ABL1: variants seen among roughly 807,000 people sequenced by gnomAD.
ABL1 encodes tyrosine-protein kinase ABL1.
Under a neutral mutation model 94.7 loss-of-function variants are expected in ABL1, and 11 were observed. That is an observed-to-expected ratio of 0.12 (90% CI 0.07 to 0.19). The LOEUF is 0.19. Among genes scored for constraint, ABL1 ranks in the 10% least tolerant of loss-of-function variants. The pLI is 1.00. For synonymous variants in ABL1, 656 were observed against 622.4 expected, an observed-to-expected ratio of 1.05 and a Z score of -0.80; for missense variants, 1,082 against 1,489.4, an observed-to-expected ratio of 0.73 and a Z score of 4.50.
At chr9:130,757,063 A>G (rs2132740058) in intron 1 of ABL1, among the ~76,000 whole-genome samples, 1 of 152,300 alleles carries the variant, frequency 6.6e-6, no homozygotes, top group Middle Eastern at 3.4e-3. Context: ...GTCTGTGAGA[A>G]GGCAGTTTGG....
chr9:130,794,255 G>A (rs562970134), intron 1 of ABL1, among the ~76,000 whole-genome samples: 2 of 152,146 alleles, frequency 1.3e-5, no homozygotes, highest in East Asian at 1.9e-4. Flanking sequence ...TGAATTAAAC[G>A]TTGCAAACTG....
chr9:130,804,104 C>T (rs1043319270), intron 1 of ABL1, among the ~76,000 whole-genome samples: 10 of 152,020 alleles, frequency 6.6e-5, no homozygotes, highest in African/African-American at 2.4e-4. Context: ...CGCCTGTAAT[C>T]TCAGCACTTT....
chr9:130,878,068 C>T (rs1394990533), intron 7 of ABL1, among the ~76,000 whole-genome samples: 1 of 152,172 alleles, frequency 6.6e-6, no homozygotes, highest in Non-Finnish European at 1.5e-5. Context: ...CCGCCTCGGC[C>T]TCCCAAAGTG....
intron 1 of ABL1, among the ~76,000 whole-genome samples, chr9:130,743,585 C>T (rs1831846961): frequency 6.6e-6 from 1 of 152,178 alleles, no homozygotes; most frequent in Non-Finnish European, 1.5e-5. Context: ...CACAGCAAGA[C>T]ACATGAAATA....
intron 1 of ABL1, among the ~76,000 whole-genome samples, chr9:130,761,742 T>C: frequency 6.6e-6 from 1 of 152,332 alleles, no homozygotes; most frequent in East Asian, 1.9e-4. Flanking sequence ...CAAATTTTGT[T>C]TTTTAGTATA....
chr9:130,817,391 C>T (rs1415171344), intron 1 of ABL1, among the ~76,000 whole-genome samples: 1 of 152,198 alleles, frequency 6.6e-6, no homozygotes, highest in African/African-American at 2.4e-5. Context: ...ATGGCCTGTT[C>T]CTCTTCCTTA....
intron 1 of ABL1, among the ~76,000 whole-genome samples, chr9:130,852,224 C>CT (rs1345752948): frequency 6.6e-6 from 1 of 152,186 alleles, no homozygotes; most frequent in African/African-American, 2.4e-5. Flanking sequence ...GAGTCTCACT[C>CT]TGTCTGCCAG....
Position 130,862,312 on chromosome 9 carries a change from C to G in ABL1, c.550-451C>G, listed in dbSNP as rs1225042153. On this transcript the variant is annotated intron_variant, in intron 3 of 10. Coordinates refer to ENST00000318560, the MANE Select transcript of ABL1 (RefSeq NM_005157.6). The surrounding 1 kb of genome is among the most constrained non-coding windows in gnomAD (Gnocchi z 5.5). ...AAGCTTGCATGCTCTTAGGTGGAGACAGACAGTAATTAAGCAGATAAACAG... is the reference window on the plus strand; with the variant it reads ...AAGCTTGCATGCTCTTAGGTGGAGAGAGACAGTAATTAAGCAGATAAACAG... Among the ~76,000 whole-genome samples the G allele has an allele frequency of 1.3e-5, 2 of 152,152 alleles. No homozygotes were observed. The highest frequency in any genetic ancestry group is 1.5e-5 in the Non-Finnish European group (1 of 68,028).
intron 1 of ABL1, among the ~76,000 whole-genome samples, chr9:130,768,135 C>T (rs1035724970): frequency 6.6e-6 from 1 of 152,126 alleles, no homozygotes; most frequent in Non-Finnish European, 1.5e-5. Context: ...GAGCCCCCTT[C>T]CCCCCAACCC....
Position 130,835,633 on chromosome 9 carries a change from G to T in ABL1, c.79+108G>T. On this transcript the variant is annotated intron_variant, in intron 1 of 10. Coordinates refer to ENST00000318560, the MANE Select transcript of ABL1 (RefSeq NM_005157.6). This position sits in a 1 kb window ranked among gnomAD's most constrained non-coding sequence, Gnocchi z 4.6. ...CGCGCTCCCGCCTGCGCCCTCCCCG[G>T]GTCTTGTCTTTTTTTTCTTTCTTCC... 1.3e-6 allele frequency: 1 copy of T among 787,676 alleles called. No homozygotes were observed. The highest frequency in any genetic ancestry group is 2.0e-6 in the Non-Finnish European group (1 of 489,642). 48.8% of individuals were successfully genotyped at this position (787,676 alleles called of 1,614,324 possible).
chr9:130,833,763 A>G (rs1299625501), upstream of ABL1, among the ~76,000 whole-genome samples: 3 of 152,186 alleles, frequency 2.0e-5, no homozygotes, highest in African/African-American at 4.8e-5. Flanking sequence ...ATCCTGTCCA[A>G]CTGGAGTTTT....
At chr9:130,823,469 C>T (rs1023687894) in intron 1 of ABL1, among the ~76,000 whole-genome samples, 1 of 152,066 alleles carries the variant, frequency 6.6e-6, no homozygotes, top group African/African-American at 2.4e-5. Flanking sequence ...TTCAAACAAG[C>T]GAGATGCTTC....
At chr9:130,851,427 A>G (rs1207677850) in intron 1 of ABL1, among the ~76,000 whole-genome samples, 2 of 152,164 alleles carry the variant, frequency 1.3e-5, no homozygotes, top group African/African-American at 4.8e-5. Context: ...TTCAGTTAGT[A>G]GTACAGAAGC....
chr9:130,833,782 G>C (rs34440627), upstream of ABL1, among the ~76,000 whole-genome samples: 1,551 of 152,294 alleles, frequency 0.01, 27 homozygotes, highest in Non-Finnish European at 0.012. Context: ...TTTATGTGCT[G>C]TTTTTGGCAG....
intron 1 of ABL1, among the ~76,000 whole-genome samples, chr9:130,722,691 C>T (rs1831531734): frequency 6.6e-6 from 1 of 152,022 alleles, no homozygotes; most frequent in Non-Finnish European, 1.5e-5. Flanking sequence ...CAGTTGTTTC[C>T]AATAGTCTAA....
chr9:130,759,957 A>C (rs936319539), intron 1 of ABL1, among the ~76,000 whole-genome samples: 3 of 145,314 alleles, frequency 2.1e-5, no homozygotes, highest in African/African-American at 5.2e-5. Context: ...ACATTTAGGT[A>C]ATTTAATTTT....
intron 1 of ABL1, among the ~76,000 whole-genome samples, chr9:130,769,603 T>C (rs931876862): frequency 3.7e-4 from 56 of 152,096 alleles, no homozygotes; most frequent in Middle Eastern, 3.2e-3. Context: ...CCTCCCAAGG[T>C]GCTGGGATTA....
chr9:130,757,287 A>G (rs1189114278), intron 1 of ABL1, among the ~76,000 whole-genome samples: 3 of 152,182 alleles, frequency 2.0e-5, no homozygotes, highest in Non-Finnish European at 4.4e-5. Context: ...TTGGCCAGCC[A>G]CAGTGGCTCA....
At chr9:130,797,137 G>A (rs1207654397) in intron 1 of ABL1, among the ~76,000 whole-genome samples, 3 of 149,222 alleles carry the variant, frequency 2.0e-5, no homozygotes, top group East Asian at 2.0e-4. Flanking sequence ...TTGGAAGGGC[G>A]AGACAGGAGA....
Sources: gnomAD v4.1 joint callset for allele counts (sites outside exome capture counted in the v4.1 genomes callset) on GRCh38, gnomAD v4.1.1 for gene constraint, Gnocchi (gnomAD v3.1) non-coding constraint, MANE v1.5 for transcripts, NCBI Gene and HGNC (gene_info 2026-07-23, HGNC 2026-07-21) for gene names.